The following EFCAB13 variants were observed in gnomAD, a reference collection of about 807,000 sequenced individuals.
EFCAB13 encodes EF-hand calcium-binding domain-containing protein 13.
Under a neutral mutation model 110.2 loss-of-function variants are expected in EFCAB13, and 91 were observed. The ratio of observed to expected loss-of-function variants is 0.83; its 90% CI spans 0.70 to 0.98. The LOEUF (loss-of-function observed/expected upper bound fraction) is 0.98. EFCAB13 is among the 50% of genes least tolerant of loss of function. The probability of loss-of-function intolerance (pLI) is 0.00; values close to 1 mark genes in which losing one functional copy is unlikely to be tolerated. For synonymous variants in EFCAB13, 323 were observed against 369.9 expected (o/e 0.87, Z 1.45); for missense variants, 968 against 1,119.4 (o/e 0.86, Z 1.93).
intron 17 of EFCAB13, among the ~76,000 whole-genome samples, chr17:47,401,046 A>G (rs2065776227): frequency 6.6e-6 from 1 of 152,230 alleles, no homozygotes; most frequent in African/African-American, 2.4e-5. Flanking sequence ...ACACAGATTC[A>G]GGGACAGAGC....
chr17:47,424,388 T>C (rs1904855815), intron 23 of EFCAB13, among the ~76,000 whole-genome samples: 1 of 152,104 alleles, frequency 6.6e-6, no homozygotes, highest in Non-Finnish European at 1.5e-5. Flanking sequence ...GTTCCCAGCG[T>C]GAGGAAAATG....
intron 20 of EFCAB13, 64 bp from the exon 21 acceptor site, chr17:47,409,583 T>C: frequency 7.7e-7 from 1 of 1,292,272 alleles, no homozygotes; most frequent in Non-Finnish European, 1.1e-6. Context: ...ATTGGTTTCC[T>C]TTCAAACAGG....
At chr17:47,424,049 G>A (rs1478537492) in intron 23 of EFCAB13, among the ~76,000 whole-genome samples, 9 of 152,188 alleles carry the variant, frequency 5.9e-5, no homozygotes, top group African/African-American at 2.2e-4. Context: ...GCTCCGGGAG[G>A]TGCGCGCTCG....
intron 14 of EFCAB13, among the ~76,000 whole-genome samples, chr17:47,391,220 G>T (rs534238880): frequency 6.6e-6 from 1 of 152,272 alleles, no homozygotes; most frequent in Non-Finnish European, 1.5e-5. Context: ...AATTACAGGT[G>T]TGAGCTACTG....
At chr17:47,356,265 C>T (rs2065479911) in intron 9 of EFCAB13, among the ~76,000 whole-genome samples, 1 of 152,220 alleles carries the variant, frequency 6.6e-6, no homozygotes, top group African/African-American at 2.4e-5. Flanking sequence ...TGTAAAAGAA[C>T]GTTGTTTTGT....
In EFCAB13 at chr17:47,328,315, T is replaced by G; in HGVS notation, c.-39T>G. The G allele has an allele frequency of 6.3e-7, 1 of 1,582,080 alleles. No homozygotes were observed. On this transcript the variant is annotated 5_prime_UTR_variant, in exon 4 of 25. Transcript: ENST00000331493. ...TCATTCATACTTGTTCATCAAAGCC[T>G]GGAGTCCTTAAGGACAGAATTTACC...
chr17:47,376,269 T>G (rs2065614764), intron 12 of EFCAB13, among the ~76,000 whole-genome samples: 1 of 152,218 alleles, frequency 6.6e-6, no homozygotes, highest in Admixed American at 6.5e-5. Context: ...CCTTTACCAA[T>G]GCACTGCTGC....
chr17:47,358,399 C>G (rs764870401), intron 9 of EFCAB13, among the ~76,000 whole-genome samples: 4 of 152,050 alleles, frequency 2.6e-5, no homozygotes, highest in Non-Finnish European at 4.4e-5. Flanking sequence ...CAGGAACTAT[C>G]TTGTTTAATT....
intron 23 of EFCAB13, among the ~76,000 whole-genome samples, chr17:47,419,424 A>C (rs1904556180): frequency 6.6e-6 from 1 of 152,096 alleles, no homozygotes; most frequent in Non-Finnish European, 1.5e-5. Flanking sequence ...CCCTACAAAA[A>C]ATTTAAAAAT....
Position 47,409,653 on chromosome 17 carries a change from G to A in EFCAB13, c.2240G>A (p.Arg747Lys), listed in dbSNP as rs749656174. 10 of 1,610,950 alleles carry A rather than the reference G, an allele frequency of 6.2e-6. No homozygotes were observed. Among genetic ancestry groups the A allele is most frequent in the Middle Eastern group, 1.7e-4 (1 of 6,054 alleles). The change falls in exon 21 of 25, where the codon AGG becomes AAG. Residue 747 changes from arginine to lysine, a missense_variant. Arg to Lys is a conservative substitution (Grantham distance 26, BLOSUM62 2). Coordinates refer to ENST00000331493, the MANE Select transcript of EFCAB13 (RefSeq NM_152347.5). ...TCTCTCTCTAAATTTGCAGATTTCA[G>A]GAAAGAGGCTTCAAATCTAAAATTA... is the stretch of plus-strand genomic sequence containing the variant. ...TQKFSNYIDF[R>K]KEASNLKLPK...
intron 17 of EFCAB13, among the ~76,000 whole-genome samples, chr17:47,398,641 T>C (rs2065761559): frequency 6.6e-6 from 1 of 151,436 alleles, no homozygotes; most frequent in Non-Finnish European, 1.5e-5. Flanking sequence ...GTTAAACAGA[T>C]GCTTGAAGGC....
At chr17:47,330,771 T>G (rs908835415) in intron 4 of EFCAB13, among the ~76,000 whole-genome samples, 14 of 148,984 alleles carry the variant, frequency 9.4e-5, no homozygotes, top group South Asian at 4.2e-4. Context: ...TATGTGTAGG[T>G]TTTTTTTTTG....
At position 47,440,897 on chromosome 17, in the gene EFCAB13, T is replaced by C; in HGVS notation, c.*183T>C. 1 of 475,446 alleles carries C rather than the reference T, an allele frequency of 2.1e-6. No homozygotes were observed. Among genetic ancestry groups the C allele is most frequent in the Non-Finnish European group, 3.6e-6 (1 of 277,522 alleles). 29.5% of individuals were successfully genotyped at this position (475,446 alleles called of 1,614,324 possible). A position where few individuals can be genotyped will look rare whatever the true frequency, so the allele number is the denominator to read the frequency against. On this transcript the variant is annotated 3_prime_UTR_variant, in exon 25 of 25. Transcript: ENST00000331493. ...CTCTCTTGATCACACTTTTTAAACA[T>C]TCATGCTTTTTGAGGTATAATGTAC...
chr17:47,437,233 T>C (rs1905231548), intron 24 of EFCAB13, among the ~76,000 whole-genome samples: 1 of 152,188 alleles, frequency 6.6e-6, no homozygotes, highest in Non-Finnish European at 1.5e-5. Context: ...ATGTGTCTTC[T>C]GCAGTTATTG....
chr17:47,375,059 T>C, intron 12 of EFCAB13, 93 bp downstream of exon 12: 2 of 1,318,682 alleles, frequency 1.5e-6, no homozygotes, highest in Non-Finnish European at 2.0e-6. Flanking sequence ...TTTCAATTGT[T>C]AACACCCTGG....
Position 47,440,873 on chromosome 17 carries a change from T to C in EFCAB13, c.*159T>C, listed in dbSNP as rs1598772693. The stretch of plus-strand genomic sequence containing the variant: ...TATGTTCTCATGTATCTTCAGCGAC[T>C]CTCTTGATCACACTTTTTAAACATT... On this transcript the variant is annotated 3_prime_UTR_variant, in exon 25 of 25. Transcript: ENST00000331493. 1 of 547,964 alleles carries C rather than the reference T, an allele frequency of 1.8e-6. No homozygotes were observed. Among genetic ancestry groups the C allele is most frequent in the East Asian group, 3.3e-5 (1 of 30,214 alleles). 33.9% of individuals were successfully genotyped at this position (547,964 alleles called of 1,614,324 possible). A position where few individuals can be genotyped will look rare whatever the true frequency, so the allele number is the denominator to read the frequency against.
chr17:47,341,737 A>G (rs1302982855), intron 5 of EFCAB13, among the ~76,000 whole-genome samples, 184 bp from the exon 6 acceptor site: 1 of 152,214 alleles, frequency 6.6e-6, no homozygotes, highest in African/African-American at 2.4e-5. Flanking sequence ...ACTGTGATTT[A>G]TTTCAAAAAT....
In EFCAB13 at chr17:47,345,066, C is replaced by A. The variant is rs930097614; in HGVS notation, c.485C>A (p.Thr162Asn). 3 of 1,604,822 alleles carry A rather than the reference C, an allele frequency of 1.9e-6. No homozygotes were observed. In the African/African-American group the frequency reaches 4.0e-5, roughly 22 times the overall value. Residue 162 changes from threonine to asparagine, a missense_variant, in exon 8 of 25, where the codon ACC (threonine) becomes AAC (asparagine). By Grantham distance (65) the Thr-to-Asn change is moderately conservative. Coordinates refer to ENST00000331493, the MANE Select transcript of EFCAB13 (RefSeq NM_152347.5). The part of the protein sequence containing the change: ...NLYMTLYDEV[T>N]HGYLHSKELS... ...TACATGACATTATATGATGAAGTAACCCATGGATATTTACACTCAAAAGAA... is the reference window on the plus strand; with the variant it reads ...TACATGACATTATATGATGAAGTAAACCATGGATATTTACACTCAAAAGAA...
intron 11 of EFCAB13, among the ~76,000 whole-genome samples, chr17:47,371,586 C>T (rs764904131): frequency 3.3e-5 from 5 of 151,954 alleles, no homozygotes; most frequent in Non-Finnish European, 7.4e-5. Flanking sequence ...GACTTTATTT[C>T]TGGGTTCTTT....
Sources: gnomAD v4.1 joint callset for allele counts (sites outside exome capture counted in the v4.1 genomes callset) on GRCh38, gnomAD v4.1.1 for gene constraint, MANE v1.5 for transcripts, NCBI Gene and HGNC (gene_info 2026-07-23, HGNC 2026-07-21) for gene names.